The following WDR49 variants were observed in gnomAD, a reference collection of about 807,000 sequenced individuals.
WDR49 encodes the protein cilia- and flagella-associated protein 337.
Under a neutral mutation model 119.5 loss-of-function variants are expected in WDR49, and 107 were observed. That is an observed-to-expected ratio of 0.90 (90% CI 0.77 to 1.05). WDR49 has a LOEUF of 1.05. WDR49 is among the 50% of genes least tolerant of loss of function. WDR49 has a pLI of 0.00. For missense variants in WDR49, 1,240 were observed against 1,220.5 expected (o/e 1.02, Z -0.24); for synonymous variants, 425 against 418.8 (o/e 1.01, Z -0.18).
rs57955643 is a variant in WDR49, at chr3:167,573,391, T to TACACACACAC, written c.1509+2517_1509+2526dup. Among the ~76,000 whole-genome samples, 674 of 142,344 alleles carry TACACACACAC rather than the reference T, an allele frequency of 4.7e-3. 3 individuals carry two copies. The highest frequency in any genetic ancestry group is 0.019 in the Middle Eastern group (5 of 268). 93.4% of individuals were successfully genotyped at this position (142,344 alleles called of 152,430 possible). A position where few individuals can be genotyped will look rare whatever the true frequency, so the allele number is the denominator to read the frequency against. On this transcript the variant is annotated intron_variant, in intron 8 of 18. Coordinates refer to ENST00000682715, the MANE Select transcript of WDR49 (RefSeq NM_001366157.1). Reference sequence around the variant, plus strand: ...AGAATCCAAATAGCTTTATGTGGAATACACACACACACACACACACACACA... The same window carrying TACACACACAC: ...AGAATCCAAATAGCTTTATGTGGAATACACACACACACACACACACACACACACACACACA...
chr3:167,550,410 A>G (rs951312069), intron 10 of WDR49, among the ~76,000 whole-genome samples: 1 of 152,004 alleles, frequency 6.6e-6, no homozygotes, highest in African/African-American at 2.4e-5. Flanking sequence ...GGTCCTTCAC[A>G]TCCCTTGTAA....
intron 16 of WDR49, among the ~76,000 whole-genome samples, chr3:167,515,640 C>A (rs1390810430): frequency 6.6e-6 from 1 of 152,146 alleles, no homozygotes; most frequent in Non-Finnish European, 1.5e-5. Flanking sequence ...CTGGCCAGGG[C>A]AATCAGGCAA....
intron 2 of WDR49, among the ~76,000 whole-genome samples, chr3:167,641,647 A>C (rs1420279343): frequency 2.0e-5 from 3 of 151,948 alleles, no homozygotes; most frequent in Non-Finnish European, 2.9e-5. Flanking sequence ...GTTCAAATCA[A>C]CATGTTAAAT....
chr3:167,624,593 C>A (rs1342166216), intron 3 of WDR49, among the ~76,000 whole-genome samples: 1 of 151,896 alleles, frequency 6.6e-6, no homozygotes, highest in African/African-American at 2.4e-5. Context: ...GCTTGGGACA[C>A]TTTCATATGT....
intron 8 of WDR49, among the ~76,000 whole-genome samples, chr3:167,569,329 C>T (rs1395517133): frequency 2.6e-5 from 4 of 152,168 alleles, no homozygotes; most frequent in African/African-American, 7.2e-5. Flanking sequence ...TGTTTGAATA[C>T]GTAAGTTTTG....
chr3:167,534,017 G>A (rs1216894273), intron 11 of WDR49, among the ~76,000 whole-genome samples: 12 of 151,526 alleles, frequency 7.9e-5, no homozygotes, highest in South Asian at 2.1e-4. Context: ...GTGAAACCCC[G>A]TCTCTACTAA....
chr3:167,511,157 G>A (rs1348256244), intron 16 of WDR49, among the ~76,000 whole-genome samples: 1 of 152,086 alleles, frequency 6.6e-6, no homozygotes, highest in Non-Finnish European at 1.5e-5. Context: ...ATATTCCTGG[G>A]AGAACTGAAG....
chr3:167,522,793 A>G (rs1451232176), intron 15 of WDR49, among the ~76,000 whole-genome samples: 1 of 152,198 alleles, frequency 6.6e-6, no homozygotes, highest in Non-Finnish European at 1.5e-5. Context: ...AGCCAGATGT[A>G]CATTTACTAA....
In WDR49 at chr3:167,560,144, C is replaced by T. The variant is rs201206022; in HGVS notation, c.1594G>A (p.Gly532Ser). The change falls in exon 9 of 19, where the codon GGC (glycine) becomes AGC (serine). Residue 532 changes from glycine (G) to serine (S), a missense_variant. Coordinates refer to ENST00000682715, the MANE Select transcript of WDR49 (RefSeq NM_001366157.1). ...QKIKQFTGCH[G>S]NAEISTMALD... is the part of the protein sequence containing the mutation. ...GCCATAGTGCTGATTTCTGCGTTGC[C>T]GTGGCAACCAGTAAACTGTTTGATT... is the stretch of plus-strand genomic sequence containing the variant. 4.8e-5 allele frequency: 78 copies of T among 1,614,116 alleles called. No individual in the cohort carries two copies. The highest frequency in any genetic ancestry group is 2.7e-4 in the African/African-American group (20 of 75,028).
At chr3:167,617,638 A>C (rs1308235266) in intron 5 of WDR49, among the ~76,000 whole-genome samples, 1 of 152,192 alleles carries the variant, frequency 6.6e-6, no homozygotes, top group African/African-American at 2.4e-5. Flanking sequence ...CCGGAGGAGA[A>C]GATGAACTGG....
Position 167,653,348 on chromosome 3 carries a change from A to G in WDR49, c.78T>C (p.Gly26=). 6.5e-7 allele frequency: 1 copy of G among 1,536,038 alleles called. No individual in the cohort carries two copies. Among genetic ancestry groups the G allele is most frequent in the Non-Finnish European group, 8.7e-7 (1 of 1,146,872 alleles). The part of the protein sequence containing the change: ...LGPKSPERTE[G]VTAFEDYGTG... ...TGCCATAGTCTTCAAATGCAGTTACACCTTCTGTTCTCTCAGGACTCTTTG... is the reference window on the plus strand; with the variant it reads ...TGCCATAGTCTTCAAATGCAGTTACGCCTTCTGTTCTCTCAGGACTCTTTG... The change falls in exon 2 of 19, where the codon GGT becomes GGC. Residue 26 remains glycine, a synonymous_variant. Coordinates refer to ENST00000682715, the MANE Select transcript of WDR49 (RefSeq NM_001366157.1).
chr3:167,631,381 A>G (rs1334728316), intron 2 of WDR49, among the ~76,000 whole-genome samples: 2 of 152,128 alleles, frequency 1.3e-5, no homozygotes, highest in African/African-American at 4.8e-5. Flanking sequence ...AAGAAAGCAG[A>G]GTGTTGCCTT....
At chr3:167,592,396 C>T (rs1715162164) in intron 7 of WDR49, among the ~76,000 whole-genome samples, 1 of 151,280 alleles carries the variant, frequency 6.6e-6, no homozygotes, top group Non-Finnish European at 1.5e-5. Context: ...CTTACTATTA[C>T]CACTGAGTTT....
At chr3:167,628,107 T>A (rs2108328148) in intron 2 of WDR49, among the ~76,000 whole-genome samples, 1 of 152,068 alleles carries the variant, frequency 6.6e-6, no homozygotes, top group Middle Eastern at 3.4e-3. Context: ...AATTCATGAG[T>A]GTTGTGTATG....
chr3:167,564,390 A>C (rs1713464482), intron 8 of WDR49, among the ~76,000 whole-genome samples: 1 of 152,200 alleles, frequency 6.6e-6, no homozygotes, highest in African/African-American at 2.4e-5. Context: ...AAGTTTAGTG[A>C]AAGAGGAGTG....
intron 7 of WDR49, among the ~76,000 whole-genome samples, chr3:167,578,712 T>C (rs1170305843): frequency 6.6e-6 from 1 of 152,134 alleles, no homozygotes; most frequent in African/African-American, 2.4e-5. Flanking sequence ...AGCCAATATT[T>C]CCAGTGTGTT....
intron 7 of WDR49, among the ~76,000 whole-genome samples, chr3:167,599,341 A>G (rs996839617): frequency 6.6e-6 from 1 of 152,174 alleles, no homozygotes; most frequent in Admixed American, 6.5e-5. Context: ...TCACAGGCAG[A>G]GGAGCCTCAC....
intron 18 of WDR49, among the ~76,000 whole-genome samples, chr3:167,484,786 G>A (rs370575533): frequency 1.7e-4 from 25 of 151,174 alleles, no homozygotes; most frequent in South Asian, 1.3e-3. Flanking sequence ...GGAATACCAC[G>A]GGTAAAAAAA....
intron 18 of WDR49, among the ~76,000 whole-genome samples, chr3:167,492,913 G>A (rs1253517666): frequency 6.6e-6 from 1 of 151,698 alleles, no homozygotes. Context: ...GAAGGACCAG[G>A]AGTGGAGAAC....
Sources: allele counts gnomAD v4.1 joint callset (sites outside exome capture counted in the v4.1 genomes callset), GRCh38; gene constraint gnomAD v4.1.1; transcripts MANE v1.5; gene names NCBI Gene and HGNC (gene_info 2026-07-23, HGNC 2026-07-21).